Variants in MYH4 observed in about 807,000 individuals in gnomAD.
The protein encoded by MYH4 is myosin-4.
In MYH4, 200 loss-of-function variants were observed where a neutral mutation model predicts 229.9. The observed-to-expected ratio is 0.87, with a 90% CI of 0.78 to 0.98. The LOEUF (loss-of-function observed/expected upper bound fraction) is 0.98, where lower values mean the gene tolerates loss of function less well. MYH4 is among the 50% of genes least tolerant of loss of function. The pLI is 0.00. For synonymous variants in MYH4, 761 were observed against 834.6 expected (o/e 0.91, Z 1.52); for missense variants, 2,148 against 2,332.6 (o/e 0.92, Z 1.63).
intron 27 of MYH4, 56 bp from the exon 28 acceptor site, chr17:10,451,508 G>A (rs2072573292): frequency 6.4e-7 from 1 of 1,566,242 alleles, no homozygotes; most frequent in African/African-American, 1.4e-5. Context: ...CTAGAGGCTG[G>A]GATTTAGAGA....
intron 39 of MYH4, 58 bp downstream of exon 39, chr17:10,444,546 G>T: frequency 1.5e-6 from 2 of 1,325,408 alleles, no homozygotes; most frequent in South Asian, 1.3e-5. Context: ...TAAACTTTAG[G>T]CCCCAAAAAA....
Position 10,450,642 on chromosome 17 carries a change from C to A in MYH4, c.3992G>T (p.Ser1331Ile). The A allele has an allele frequency of 6.2e-7, 1 of 1,614,080 alleles. No individual in the cohort carries two copies. The highest frequency in any genetic ancestry group is 8.5e-7 in the Non-Finnish European group (1 of 1,179,976). Residue 1331 changes from serine (S) to isoleucine (I), a missense_variant, in exon 30 of 40, where the codon AGC (serine) becomes ATC (isoleucine). Coordinates refer to ENST00000255381, the MANE Select transcript of MYH4 (RefSeq NM_017533.2). ...RQLEEETKAK[S>I]TLAHALQSAR... is the part of the protein sequence containing the mutation. ...TGACTGCAGGGCATGGGCCAGAGTG[C>A]TCTTGGCCTAGACCAACCAAAAACT...
rs749991966 is a variant in MYH4 at position 10,466,366 on chromosome 17, A to T, written c.255T>A (p.Tyr85Ter). The change falls in exon 4 of 40, where the codon TAT becomes TAA. Residue 85 changes from tyrosine to a stop codon, truncating the protein, a stop_gained. Coordinates refer to ENST00000255381, the MANE Select transcript of MYH4 (RefSeq NM_017533.2). LOFTEE classifies it high-confidence loss of function. ...TCATGGCCATGTCCTCGATCTTGTC[A>T]TATTTGGGAGGGTTCATGGAGAAGA... ...DQVFSMNPPK[Y>*]DKIEDMAMMT... is the part of the protein sequence containing the mutation. 31 of 1,614,026 alleles carry T rather than the reference A, an allele frequency of 1.9e-5. No homozygotes were observed. The highest frequency in any genetic ancestry group is 2.5e-5 in the Non-Finnish European group (29 of 1,180,022).
rs1279121035 is a variant in MYH4, at chr17:10,452,838, G to C, written c.3206C>G (p.Ser1069Cys). Residue 1069 changes from serine to cysteine, a missense_variant, in exon 25 of 40, where the codon TCC (serine) becomes TGC (cysteine). Transcript: ENST00000255381. ...TTTGTCATTTTCTGTATCCATTGTGGATTCTTGGGCCAATTTTAGGTCACC... is the reference window on the plus strand; with the variant it reads ...TTTGTCATTTTCTGTATCCATTGTGCATTCTTGGGCCAATTTTAGGTCACC... ...LEGDLKLAQE[S>C]TMDTENDKQQ... The C allele has an allele frequency of 1.2e-6, 2 of 1,609,576 alleles. No homozygotes were observed. The highest frequency in any genetic ancestry group is 1.7e-6 in the Non-Finnish European group (2 of 1,179,342).
Position 10,449,188 on chromosome 17 carries a change from T to G in MYH4, c.4182-141A>C, listed in dbSNP as rs2072546272. The G allele has an allele frequency of 8.4e-6, 6 of 718,522 alleles. 1 individual carries two copies. In the Admixed American group the frequency reaches 1.7e-4, roughly 21 times the overall value. The allele number at this position is 718,522 out of a possible 1,614,324, so 44.5% of individuals were successfully genotyped here. A position where few individuals can be genotyped will look rare whatever the true frequency, so the allele number is the denominator to read the frequency against. ...AATTTTTCTAAACATTTTCACTCTCTTAGAATTCTGTTTTCCCTGTTGAGT... is the reference window on the plus strand; with the variant it reads ...AATTTTTCTAAACATTTTCACTCTCGTAGAATTCTGTTTTCCCTGTTGAGT... On this transcript the variant is annotated intron_variant, in intron 30 of 39. Transcript: ENST00000255381.
chr17:10,462,483 G>C lies in MYH4; in HGVS notation c.1008+382C>G, dbSNP rs80244113. On this transcript the variant is annotated intron_variant, in intron 11 of 39. Coordinates refer to ENST00000255381, the MANE Select transcript of MYH4 (RefSeq NM_017533.2). ...TACATGTGACTGTAGAAGAACAGTG[G>C]GAGTTCCATGTTTAGTTGTAATAAT... Among the ~76,000 whole-genome samples, 1,019 of 152,278 alleles carry C rather than the reference G, an allele frequency of 6.7e-3. 13 individuals carry two copies. The highest frequency in any genetic ancestry group is 0.023 in the African/African-American group (972 of 41,564).
At chr17:10,466,101 A>G (rs111776284) in intron 4 of MYH4, among the ~76,000 whole-genome samples, 172 bp downstream of exon 4, 15 of 152,220 alleles carry the variant, frequency 9.9e-5, no homozygotes, top group Admixed American at 7.2e-4. Flanking sequence ...CAGTTAAGTA[A>G]ATGGTTTTCC....
rs115979487 is a variant in MYH4 at position 10,459,142 on chromosome 17, G to C, written c.1587+109C>G. On this transcript the variant is annotated intron_variant, in intron 15 of 39. Coordinates refer to ENST00000255381, the MANE Select transcript of MYH4 (RefSeq NM_017533.2). ...TCACAACCAATCAGAATATACGAGT[G>C]TGTCAGGAAACAGCACTGCTTGTTC... The C allele has an allele frequency of 9.9e-4, 1,532 of 1,546,002 alleles. 15 individuals are homozygous for C. The African/African-American group carries it at 0.019, about 19-fold the overall frequency.
chr17:10,448,286 C>T, intron 33 of MYH4, 110 bp downstream of exon 33: 1 of 1,340,540 alleles, frequency 7.5e-7, no homozygotes, highest in Non-Finnish European at 1.0e-6. Context: ...CAGTATTTTT[C>T]ACTGAATTAC....
chr17:10,453,092 G>T, intron 24 of MYH4, 60 bp downstream of exon 24: 1 of 1,607,840 alleles, frequency 6.2e-7, no homozygotes, highest in Middle Eastern at 1.7e-4. Flanking sequence ...ATCAGTGCTG[G>T]TTTCATGTCA....
chr17:10,463,196 T>C lies in MYH4; in HGVS notation c.806-8A>G, dbSNP rs1197250982. 1 of 1,607,480 alleles carries C rather than the reference T, an allele frequency of 6.2e-7. No homozygotes were observed. Among genetic ancestry groups the C allele is most frequent in the Non-Finnish European group, 8.5e-7 (1 of 1,175,182 alleles). ...GGGACTTCTCTAGCAGATCTGGAAGTCAGATTAAGCTCATTTAAAAGAAGA... is the reference window on the plus strand; with the variant it reads ...GGGACTTCTCTAGCAGATCTGGAAGCCAGATTAAGCTCATTTAAAAGAAGA... On this transcript the variant is annotated splice_region_variant and splice_polypyrimidine_tract_variant and intron_variant, in intron 9 of 39. Transcript: ENST00000255381.
intron 15 of MYH4, among the ~76,000 whole-genome samples, chr17:10,458,547 GC>G (rs1400156312): frequency 6.6e-6 from 1 of 152,066 alleles, no homozygotes; most frequent in African/African-American, 2.4e-5. Flanking sequence ...TTCCTAGGTG[GC>G]AATTGCATTT....
chr17:10,452,963 G>C (rs758018777), intron 24 of MYH4, 31 bp from the exon 25 acceptor site: 2 of 1,597,396 alleles, frequency 1.3e-6, no homozygotes, highest in Admixed American at 1.8e-5. Flanking sequence ...ATTTATTTCA[G>C]CTCTTAAGCA....
rs1310205885 is a variant in MYH4, at chr17:10,462,881, T to A, written c.992A>T (p.Glu331Val). 6.2e-7 allele frequency: 1 copy of A among 1,613,890 alleles called. No individual in the cohort carries two copies. The highest frequency in any genetic ancestry group is 1.1e-5 in the South Asian group (1 of 91,026). The change falls in exon 11 of 40, where the codon GAG becomes GTG. Residue 331 changes from glutamate to valine, a missense_variant. Coordinates refer to ENST00000255381, the MANE Select transcript of MYH4 (RefSeq NM_017533.2). ...ITVPSIDDQE[E>V]LMATDSAVDI... ...ATTACTTACATCTGTGGCCATCAGC[T>A]CTTCCTGGTCATCAATGCTGGGCAC... is the stretch of plus-strand genomic sequence containing the variant.
rs143968286 is a variant in MYH4, at chr17:10,451,959, C to T, written c.3720G>A (p.Glu1240=). The T allele has an allele frequency of 3.7e-6, 6 of 1,610,518 alleles. No individual in the cohort carries two copies. In the African/African-American group the frequency reaches 5.3e-5, roughly 14 times the overall value. ...TGAAGACCTTGGCTTTGGAGACAGT[C>T]TCCATGTTACTAGCAAGGTCATTGA... ...MEINDLASNM[E]TVSKAKANFE... The change falls in exon 27 of 40, where the codon GAG becomes GAA. Residue 1240 remains glutamate (E), a synonymous_variant. Coordinates refer to ENST00000255381, the MANE Select transcript of MYH4 (RefSeq NM_017533.2).
chr17:10,459,884 A>G, intron 14 of MYH4, 68 bp downstream of exon 14: 1 of 1,610,054 alleles, frequency 6.2e-7, no homozygotes, highest in Non-Finnish European at 8.5e-7. Context: ...TACATTTTGT[A>G]AATGTGATTT....
At chr17:10,457,392 G>C (rs1235041162) in intron 16 of MYH4, 28 bp downstream of exon 16, 10 of 1,557,094 alleles carry the variant, frequency 6.4e-6, no homozygotes, top group Admixed American at 5.7e-5. Context: ...TGTGACTCTT[G>C]TAACATATTA....
chr17:10,468,703 G>A (rs1470831706), intron 2 of MYH4, among the ~76,000 whole-genome samples: 1 of 152,178 alleles, frequency 6.6e-6, no homozygotes, highest in Non-Finnish European at 1.5e-5. Flanking sequence ...AGAGCTGGAA[G>A]GACCTTAGCA....
At chr17:10,447,293 T>C in intron 34 of MYH4, 77 bp from the exon 35 acceptor site, 3 of 1,247,084 alleles carry the variant, frequency 2.4e-6, no homozygotes, top group Non-Finnish European at 3.4e-6. Flanking sequence ...GTACACTCTT[T>C]GATCTTAATG....
Sources: gnomAD v4.1 joint callset for allele counts (sites outside exome capture counted in the v4.1 genomes callset) on GRCh38, gnomAD v4.1.1 for gene constraint, MANE v1.5 for transcripts, NCBI Gene and HGNC (gene_info 2026-07-23, HGNC 2026-07-21) for gene names.